RCCD1: variants seen among roughly 807,000 people sequenced by gnomAD.
RCCD1 encodes RCC1 domain-containing protein 1.
RCCD1 carries 40 observed loss-of-function variants against 37.6 expected under a neutral mutation model. The observed-to-expected ratio is 1.06, with a 90% confidence interval of 0.83 to 1.39. The LOEUF (loss-of-function observed/expected upper bound fraction) is 1.39, where lower values mean the gene tolerates loss of function less well. RCCD1 is among the 40% of genes most tolerant of loss of function. RCCD1 has a pLI of 0.00. For synonymous variants in RCCD1, 263 were observed against 230.0 expected (o/e 1.14, Z -1.30); for missense variants, 577 against 517.3 (o/e 1.12, Z -1.12).
intron 4 of RCCD1, chr15:90,959,665 A>G (rs994648371): frequency 7.3e-5 from 26 of 358,150 alleles, no homozygotes; most frequent in Non-Finnish European, 1.1e-4. Flanking sequence ...ATTTGGCAGC[A>G]TAAGAATGGA....
intron 6 of RCCD1, 68 bp downstream of exon 6, chr15:90,960,566 G>A (rs965194303): frequency 3.2e-5 from 48 of 1,479,718 alleles, no homozygotes; most frequent in Non-Finnish European, 4.1e-5. Context: ...GTGGTCGACG[G>A]AAAAACTTCT....
chr15:90,955,443 C>T (rs1324585853), intron 1 of RCCD1: 2 of 152,314 alleles, frequency 1.3e-5, no homozygotes, highest in South Asian at 2.1e-4. Flanking sequence ...GGCATAGGGT[C>T]AAGATCAAGG....
chr15:90,958,542 C>T (rs563495393), intron 4 of RCCD1, among the ~76,000 whole-genome samples: 3 of 147,306 alleles, frequency 2.0e-5, no homozygotes, highest in African/African-American at 5.0e-5. Flanking sequence ...GCAGGAGAAT[C>T]GTTTGAACCT....
At chr15:90,959,418 A>G (rs994679405) in intron 4 of RCCD1, among the ~76,000 whole-genome samples, 1 of 152,220 alleles carries the variant, frequency 6.6e-6, no homozygotes, top group East Asian at 1.9e-4. Context: ...CTGTGGGTGC[A>G]GTTGAAAAAG....
chr15:90,957,548 A>G lies in RCCD1; in HGVS notation c.557+45A>G, dbSNP rs766094258. 7 of 1,608,334 alleles carry G rather than the reference A, an allele frequency of 4.4e-6. No homozygotes were observed. The South Asian group carries it at 7.7e-5, about 18-fold the overall frequency. ...GGTGAGGGCTGCTGATTGGAGAAGC[A>G]AGCGGAGCGGGACCCCTTAATGCGA... On this transcript the variant is annotated intron_variant, in intron 3 of 7. Transcript: ENST00000394258.
In RCCD1 at chr15:90,957,064, C is replaced by T. The variant is rs569783980; in HGVS notation, c.167-49C>T. ...CTTCCCAGGAACACCCCGCTCCCCCCATCCCCGCCGCCTCCATTCTGGCCA... is the reference window on the plus strand; with the variant it reads ...CTTCCCAGGAACACCCCGCTCCCCCTATCCCCGCCGCCTCCATTCTGGCCA... On this transcript the variant is annotated intron_variant, in intron 2 of 7. Transcript: ENST00000394258. 457 of 1,309,190 alleles carry T rather than the reference C, an allele frequency of 3.5e-4. No homozygotes were observed. In the African/African-American group the frequency reaches 5.5e-3, roughly 16 times the overall value. The allele number at this position is 1,309,190 out of a possible 1,614,324, so 81.1% of individuals were successfully genotyped here. A position where few individuals can be genotyped will look rare whatever the true frequency, so the allele number is the denominator to read the frequency against.
intron 7 of RCCD1, 135 bp from the exon 8 acceptor site, chr15:90,961,483 C>A: frequency 9.3e-7 from 1 of 1,080,610 alleles, no homozygotes; most frequent in Non-Finnish European, 1.3e-6. Flanking sequence ...GGTTGCCTGG[C>A]TCTGGGTCTC....
At chr15:90,960,762 C>G in intron 6 of RCCD1, 1 of 613,118 alleles carries the variant, frequency 1.6e-6, no homozygotes, top group Non-Finnish European at 2.9e-6. Flanking sequence ...GCCGCCGCCT[C>G]TGACAGCAGG....
chr15:90,956,868 G>A lies in RCCD1; in HGVS notation c.134G>A (p.Ser45Asn). The part of the protein sequence containing the change: ...LRAGVDICRV[S>N]ASWSYTAFVT... Reference sequence around the variant, plus strand: ...GCGGGCGTCGACATCTGCCGCGTGAGCGCGAGCTGGAGCTACACCGCTTTC... The same window carrying A: ...GCGGGCGTCGACATCTGCCGCGTGAACGCGAGCTGGAGCTACACCGCTTTC... Residue 45 changes from serine (S) to asparagine (N), a missense_variant, in exon 2 of 8, where the codon AGC (serine) becomes AAC (asparagine). Transcript: ENST00000394258. 1 of 1,290,594 alleles carries A rather than the reference G, an allele frequency of 7.7e-7. No homozygotes were observed. The highest frequency in any genetic ancestry group is 9.8e-7 in the Non-Finnish European group (1 of 1,018,954). The allele number at this position is 1,290,594 out of a possible 1,614,324, so 79.9% of individuals were successfully genotyped here.
At chr15:90,960,796 A>G (rs1053086298) in intron 6 of RCCD1, 1 of 645,458 alleles carries the variant, frequency 1.5e-6, no homozygotes, top group Admixed American at 2.3e-5. Context: ...GGCATGGAAG[A>G]CTGCGGCGCT....
intron 1 of RCCD1, chr15:90,955,526 C>T (rs765587949): frequency 6.6e-6 from 1 of 152,238 alleles, no homozygotes; most frequent in Non-Finnish European, 1.5e-5. Context: ...TCAGGAGAGA[C>T]CCAGGATCTG....
chr15:90,959,666 T>G, intron 4 of RCCD1: 2 of 354,612 alleles, frequency 5.6e-6, no homozygotes, highest in Non-Finnish European at 1.0e-5. Context: ...TTTGGCAGCA[T>G]AAGAATGGAA....
chr15:90,955,420 C>G (rs1405917468), intron 1 of RCCD1: 2 of 152,250 alleles, frequency 1.3e-5, no homozygotes, highest in African/African-American at 4.8e-5. Flanking sequence ...AGGACCTGCC[C>G]GAGAGGGTAG....
In RCCD1 at chr15:90,959,955, C is replaced by T. The variant is rs1360769467; in HGVS notation, c.735C>T (p.Pro245=). 6.2e-7 allele frequency: 1 copy of T among 1,613,778 alleles called. No homozygotes were observed. The highest frequency in any genetic ancestry group is 1.1e-5 in the South Asian group (1 of 91,042). ...GWNESGQLAL[P]TRNLAEDGET... The stretch of plus-strand genomic sequence containing the variant: ...ATGAATCAGGGCAGCTGGCCCTGCC[C>T]ACCAGGAACCTGGCAGAGGATGGAG... The change falls in exon 5 of 8, where the codon CCC becomes CCT. Residue 245 remains proline, a synonymous_variant. Coordinates refer to ENST00000394258, the MANE Select transcript of RCCD1 (RefSeq NM_001017919.2).
At chr15:90,961,217 G>A in intron 7 of RCCD1, 163 bp downstream of exon 7, 1 of 670,120 alleles carries the variant, frequency 1.5e-6, no homozygotes, top group Non-Finnish European at 2.6e-6. Flanking sequence ...ACAGACATAG[G>A]CGCGCTCAGT....
chr15:90,956,855 A>T lies in RCCD1; in HGVS notation c.121A>T (p.Ile41Phe), dbSNP rs971579720. 1.5e-6 allele frequency: 2 copies of T among 1,293,374 alleles called. No individual in the cohort carries two copies. The highest frequency in any genetic ancestry group is 2.0e-6 in the Non-Finnish European group (2 of 1,020,656). 80.1% of individuals were successfully genotyped at this position (1,293,374 alleles called of 1,614,324 possible). The part of the protein sequence containing the change: ...SPSPLRAGVD[I>F]CRVSASWSYT... ...CAGTCCGCTGCGGGCGGGCGTCGAC[A>T]TCTGCCGCGTGAGCGCGAGCTGGAG... Residue 41 changes from isoleucine (I) to phenylalanine (F), a missense_variant, in exon 2 of 8, where the codon ATC becomes TTC. Transcript: ENST00000394258.
At chr15:90,956,937 C>T (rs1332503789) in intron 2 of RCCD1, 37 bp downstream of exon 2, 2 of 1,267,752 alleles carry the variant, frequency 1.6e-6, no homozygotes, top group East Asian at 3.1e-5. Context: ...TTATTCCAGC[C>T]GCGCTCCCCA....
intron 7 of RCCD1, 90 bp from the exon 8 acceptor site, chr15:90,961,528 A>C (rs2151382789): frequency 2.2e-6 from 3 of 1,388,638 alleles, no homozygotes; most frequent in Non-Finnish European, 2.9e-6. Context: ...TAATCCCAGC[A>C]CTTCATTTGA....
At chr15:90,959,540 G>C (rs1227449262) in intron 4 of RCCD1, among the ~76,000 whole-genome samples, 1 of 152,224 alleles carries the variant, frequency 6.6e-6, no homozygotes, top group African/African-American at 2.4e-5. Flanking sequence ...ACCCATCTCA[G>C]CCTCCCAAAG....
Sources: gnomAD v4.1 joint callset for allele counts (sites outside exome capture counted in the v4.1 genomes callset) on GRCh38, gnomAD v4.1.1 for gene constraint, MANE v1.5 for transcripts, NCBI Gene and HGNC (gene_info 2026-07-23, HGNC 2026-07-21) for gene names.